DACH1: variants seen among roughly 807,000 people sequenced by gnomAD.
The protein encoded by DACH1 is dachshund homolog 1.
DACH1 carries 12 observed loss-of-function variants against 54.2 expected under a neutral mutation model. The observed-to-expected ratio is 0.22, with a 90% CI of 0.14 to 0.36. The LOEUF (loss-of-function observed/expected upper bound fraction) is 0.36. Ranked by LOEUF, DACH1 falls within the 10% of genes least tolerant of loss-of-function variation. The pLI is 1.00. For missense variants in DACH1, 805 were observed against 929.8 expected, an observed-to-expected ratio of 0.87 and a Z score of 1.75; for synonymous variants, 386 against 366.2, an observed-to-expected ratio of 1.05 and a Z score of -0.62.
At chr13:71,819,901 G>A (rs1025694879) in intron 1 of DACH1, among the ~76,000 whole-genome samples, 10 of 151,946 alleles carry the variant, frequency 6.6e-5, no homozygotes, top group Admixed American at 2.0e-4. Flanking sequence ...AAGGGTACTC[G>A]GGGGAGAAGA....
At chr13:71,723,187 A>G (rs1883307362) in intron 1 of DACH1, among the ~76,000 whole-genome samples, 3 of 151,748 alleles carry the variant, frequency 2.0e-5, no homozygotes, top group African/African-American at 4.8e-5. Context: ...GGATCGCTTG[A>G]GCCCAGGAGT....
intron 3 of DACH1, among the ~76,000 whole-genome samples, chr13:71,624,965 AC>A (rs1287058914): frequency 2.6e-5 from 4 of 151,556 alleles, no homozygotes; most frequent in Non-Finnish European, 5.9e-5. Context: ...AGCATAGGAC[AC>A]CCCCTCCCTG....
chr13:71,608,586 C>T (rs1490357571), intron 3 of DACH1, among the ~76,000 whole-genome samples: 2 of 152,010 alleles, frequency 1.3e-5, no homozygotes, highest in Non-Finnish European at 2.9e-5. Context: ...ATTAACACAT[C>T]ATATTCTGAA....
chr13:71,792,366 ACACACC>A (rs1166620630), intron 1 of DACH1, among the ~76,000 whole-genome samples: 2 of 139,036 alleles, frequency 1.4e-5, no homozygotes, highest in East Asian at 4.8e-4. Context: ...ACACACACAC[ACACACC>A]CCTGGAATCC....
chr13:71,652,591 A>T (rs570081908), intron 2 of DACH1, among the ~76,000 whole-genome samples: 1 of 152,270 alleles, frequency 6.6e-6, no homozygotes, highest in African/African-American at 2.4e-5. Flanking sequence ...TGCATAGTTT[A>T]AACACCATCA....
chr13:71,627,878 T>C (rs997544265), intron 3 of DACH1, among the ~76,000 whole-genome samples: 1 of 152,000 alleles, frequency 6.6e-6, no homozygotes, highest in Non-Finnish European at 1.5e-5. Flanking sequence ...TGGAAGCAGT[T>C]GATGGTGGTA....
At chr13:71,552,037 GA>G (rs1402701053) in intron 6 of DACH1, among the ~76,000 whole-genome samples, 1 of 152,068 alleles carries the variant, frequency 6.6e-6, no homozygotes, top group Non-Finnish European at 1.5e-5. Flanking sequence ...TCCTGCCTCT[GA>G]AATGTTGGTC....
intron 3 of DACH1, among the ~76,000 whole-genome samples, chr13:71,598,808 G>A (rs1874294758): frequency 6.6e-6 from 1 of 152,122 alleles, no homozygotes; most frequent in Admixed American, 6.5e-5. Context: ...CAAGTCAACA[G>A]ACTCTCCCTC....
intron 1 of DACH1, among the ~76,000 whole-genome samples, chr13:71,845,659 C>G (rs966808693): frequency 6.6e-6 from 1 of 152,066 alleles, no homozygotes; most frequent in Non-Finnish European, 1.5e-5. Context: ...ACAGTATTAA[C>G]GAGATGGAAT....
chr13:71,534,698 G>A (rs940832944), intron 6 of DACH1, among the ~76,000 whole-genome samples: 1 of 151,490 alleles, frequency 6.6e-6, no homozygotes, highest in Non-Finnish European at 1.5e-5. Flanking sequence ...CTGATGTGTG[G>A]AGAAAAAAAT....
chr13:71,531,112 T>C (rs922830987), intron 6 of DACH1, among the ~76,000 whole-genome samples: 3 of 152,126 alleles, frequency 2.0e-5, no homozygotes, highest in Non-Finnish European at 4.4e-5. Context: ...TCTTGTTAGA[T>C]ACTAAACAAC....
intron 6 of DACH1, among the ~76,000 whole-genome samples, chr13:71,495,812 C>A (rs1879359063): frequency 6.6e-6 from 1 of 152,050 alleles, no homozygotes; most frequent in South Asian, 2.1e-4. Flanking sequence ...TACTGGATAC[C>A]AGCCCATAAG....
At chr13:71,600,090 T>G (rs1481822846) in intron 3 of DACH1, among the ~76,000 whole-genome samples, 1 of 152,106 alleles carries the variant, frequency 6.6e-6, no homozygotes, top group Non-Finnish European at 1.5e-5. Context: ...TATAATTGTT[T>G]ATCACCAAAT....
intron 1 of DACH1, among the ~76,000 whole-genome samples, chr13:71,797,866 T>A (rs1408015549): frequency 6.6e-6 from 1 of 152,102 alleles, no homozygotes; most frequent in Non-Finnish European, 1.5e-5. Flanking sequence ...AATAGCAGCA[T>A]CCTACTCCAG....
At chr13:71,717,263 A>G (rs768161150) in intron 1 of DACH1, among the ~76,000 whole-genome samples, 6 of 152,212 alleles carry the variant, frequency 3.9e-5, no homozygotes, top group Non-Finnish European at 8.8e-5. Flanking sequence ...TTAAGTCATC[A>G]TTGCCCTTTA....
intron 3 of DACH1, among the ~76,000 whole-genome samples, chr13:71,589,729 TG>T (rs1873559531): frequency 6.6e-6 from 1 of 151,994 alleles, no homozygotes; most frequent in Admixed American, 6.6e-5. Context: ...TTCATCATAT[TG>T]AAATAAACTT....
intron 2 of DACH1, among the ~76,000 whole-genome samples, chr13:71,651,366 TC>T (rs1878651252): frequency 7.7e-6 from 1 of 129,386 alleles, no homozygotes. Context: ...AGACCCTGTC[TC>T]ACAAAAAAAA....
chr13:71,840,434 C>T (rs1872761784), intron 1 of DACH1, among the ~76,000 whole-genome samples: 1 of 152,108 alleles, frequency 6.6e-6, no homozygotes, highest in South Asian at 2.1e-4. Flanking sequence ...TTAATTATAT[C>T]ACAGAGGGCC....
chr13:71,690,489 C>G (rs1490877261), intron 1 of DACH1, among the ~76,000 whole-genome samples: 1 of 152,146 alleles, frequency 6.6e-6, no homozygotes, highest in African/African-American at 2.4e-5. Flanking sequence ...TTACTAGAAT[C>G]CCCTAAAGAA....
Sources: gnomAD v4.1 joint callset for allele counts (sites outside exome capture counted in the v4.1 genomes callset) on GRCh38, gnomAD v4.1.1 for gene constraint, MANE v1.5 for transcripts, NCBI Gene and HGNC (gene_info 2026-07-23, HGNC 2026-07-21) for gene names.